Variants in USP12 observed in about 807,000 individuals in gnomAD.
USP12 encodes the protein ubiquitin specific peptidase 12.
Under a neutral mutation model 45.5 loss-of-function variants are expected in USP12, and 19 were observed. The ratio of observed to expected loss-of-function variants is 0.42; its 90% CI spans 0.29 to 0.61. USP12 has a LOEUF of 0.61. Ranked by LOEUF, USP12 falls within the 20% of genes least tolerant of loss-of-function variation. The pLI, the probability that USP12 is intolerant of heterozygous loss-of-function variation, is 0.22. For missense variants in USP12, 242 were observed against 447.7 expected (o/e 0.54, Z 4.15); for synonymous variants, 149 against 148.8 (o/e 1.00, Z -0.01).
In USP12 at chr13:27,108,970, G is replaced by A. The variant is rs986690830; in HGVS notation, c.130-3026C>T. Among the ~76,000 whole-genome samples, 11 of 152,246 alleles carry A rather than the reference G, an allele frequency of 7.2e-5. No individual in the cohort carries two copies. The East Asian group carries it at 1.4e-3, about 19-fold the overall frequency. On this transcript the variant is annotated intron_variant, in intron 2 of 8. Transcript: ENST00000282344. ...AAAAGATACATATGTGTGTGTGTGT[G>A]TATATACACATAATGACATTTTTTT...
chr13:27,130,811 ATCAAATGAGG>A (rs1196504465), intron 1 of USP12, among the ~76,000 whole-genome samples: 3 of 152,208 alleles, frequency 2.0e-5, no homozygotes, highest in Non-Finnish European at 4.4e-5. Context: ...TTCTGCAGGG[ATCAAATGAGG>A]TCAAATCACA....
At chr13:27,161,324 C>T (rs977835140) in intron 1 of USP12, among the ~76,000 whole-genome samples, 4 of 152,182 alleles carry the variant, frequency 2.6e-5, no homozygotes, top group African/African-American at 9.7e-5. Context: ...TGTTCATCTA[C>T]AGAATCTCAA....
chr13:27,109,644 G>A (rs941709176), intron 2 of USP12, among the ~76,000 whole-genome samples: 6 of 152,010 alleles, frequency 3.9e-5, no homozygotes, highest in East Asian at 3.9e-4. Flanking sequence ...TTGGCTGGGC[G>A]CAGTGGCTCA....
chr13:27,118,071 C>T (rs1875824566), intron 1 of USP12, among the ~76,000 whole-genome samples: 1 of 150,744 alleles, frequency 6.6e-6, no homozygotes. Flanking sequence ...CAGTGAAGAG[C>T]TGCAGAGACA....
In USP12 at chr13:27,171,686, G is replaced by T. The variant is rs370545275; in HGVS notation, c.-47C>A. 194 of 1,178,752 alleles carry T rather than the reference G, an allele frequency of 1.6e-4. No individual in the cohort carries two copies. The highest frequency in any genetic ancestry group is 2.1e-4 in the Non-Finnish European group (194 of 919,962). 73.0% of individuals were successfully genotyped at this position (1,178,752 alleles called of 1,614,324 possible). The stretch of plus-strand genomic sequence containing the variant: ...CCAATCACAGCGGCGGCGGCGGGCG[G>T]GGGAGGAGGGGAGCCGGGCCGCCCG... On this transcript the variant is annotated 5_prime_UTR_variant, in exon 1 of 9. Coordinates refer to ENST00000282344, the MANE Select transcript of USP12 (RefSeq NM_182488.4).
chr13:27,097,210 T>TAATC (rs1874628241), intron 3 of USP12, among the ~76,000 whole-genome samples: 1 of 149,920 alleles, frequency 6.7e-6, no homozygotes, highest in South Asian at 2.1e-4. Flanking sequence ...CTCATGCCTA[T>TAATC]AATCCAGCAC....
chr13:27,116,505 T>C lies in USP12; in HGVS notation c.129+11A>G, dbSNP rs1405875409. 2 of 1,612,560 alleles carry C rather than the reference T, an allele frequency of 1.2e-6. No individual in the cohort carries two copies. Among genetic ancestry groups the C allele is most frequent in the South Asian group, 2.2e-5 (2 of 90,764 alleles). ...GAACATGATTCTAAAAGCGTATCAA[T>C]GGATACTTACATTGACTAATCCAAA... On this transcript the variant is annotated intron_variant, in intron 2 of 8. Coordinates refer to ENST00000282344, the MANE Select transcript of USP12 (RefSeq NM_182488.4).
chr13:27,134,015 A>G (rs1876663905), intron 1 of USP12, among the ~76,000 whole-genome samples: 1 of 152,182 alleles, frequency 6.6e-6, no homozygotes, highest in Non-Finnish European at 1.5e-5. Context: ...TAGGTGGTAC[A>G]TGCCTGTAGT....
At chr13:27,100,606 G>T (rs919790453) in intron 3 of USP12, among the ~76,000 whole-genome samples, 2 of 152,156 alleles carry the variant, frequency 1.3e-5, no homozygotes, top group African/African-American at 4.8e-5. Flanking sequence ...TTCCTGACGT[G>T]CATGCACCTC....
intron 1 of USP12, among the ~76,000 whole-genome samples, chr13:27,161,777 G>C (rs1878116935): frequency 6.6e-6 from 1 of 152,002 alleles, no homozygotes; most frequent in African/African-American, 2.4e-5. Context: ...AGATACTTGG[G>C]AGGCTCAGGC....
chr13:27,141,910 G>A (rs537139963), intron 1 of USP12, among the ~76,000 whole-genome samples: 2 of 152,108 alleles, frequency 1.3e-5, no homozygotes, highest in South Asian at 2.1e-4. Flanking sequence ...GAGGCTGGGC[G>A]TGGTAGCTCA....
At chr13:27,099,959 T>C (rs1464220660) in intron 3 of USP12, among the ~76,000 whole-genome samples, 3 of 152,294 alleles carry the variant, frequency 2.0e-5, no homozygotes, top group East Asian at 1.9e-4. Context: ...GTGTGGGTTT[T>C]TGTCCACAAG....
chr13:27,074,816 T>A (rs191827866), intron 7 of USP12, among the ~76,000 whole-genome samples: 48 of 152,342 alleles, frequency 3.2e-4, no homozygotes, highest in African/African-American at 1.0e-3. Context: ...AATGCCATTT[T>A]AAAATGCTTT....
chr13:27,087,187 C>CA (rs1394351884), intron 6 of USP12, among the ~76,000 whole-genome samples: 1 of 149,886 alleles, frequency 6.7e-6, no homozygotes, highest in East Asian at 2.0e-4. Context: ...GGCAGGAAGG[C>CA]AGAGAGAATA....
At chr13:27,113,622 T>C (rs1270257670) in intron 2 of USP12, among the ~76,000 whole-genome samples, 1 of 152,252 alleles carries the variant, frequency 6.6e-6, no homozygotes, top group Non-Finnish European at 1.5e-5. Flanking sequence ...CCATGCTTCC[T>C]TGTAGGAACT....
chr13:27,110,655 C>T (rs762011221), intron 2 of USP12, among the ~76,000 whole-genome samples: 1 of 152,258 alleles, frequency 6.6e-6, no homozygotes, highest in African/African-American at 2.4e-5. Flanking sequence ...GTACTGATAT[C>T]AATGATCATA....
At chr13:27,102,659 A>G (rs1455256928) in intron 3 of USP12, among the ~76,000 whole-genome samples, 2 of 152,190 alleles carry the variant, frequency 1.3e-5, no homozygotes, top group Non-Finnish European at 2.9e-5. Flanking sequence ...AACATTACCT[A>G]ATCAGGGACA....
At chr13:27,103,461 G>C (rs1874964662) in intron 3 of USP12, among the ~76,000 whole-genome samples, 1 of 151,786 alleles carries the variant, frequency 6.6e-6, no homozygotes, top group Middle Eastern at 3.2e-3. Context: ...TTAGAAAAAT[G>C]AAGCAAAACT....
intron 1 of USP12, among the ~76,000 whole-genome samples, chr13:27,124,085 T>C (rs137906765): frequency 2.8e-4 from 43 of 152,346 alleles, no homozygotes; most frequent in African/African-American, 9.6e-4. Context: ...GGGAGATGGC[T>C]ATCCTGCAAT....
Sources: gnomAD v4.1 joint callset for allele counts (sites outside exome capture counted in the v4.1 genomes callset) on GRCh38, gnomAD v4.1.1 for gene constraint, MANE v1.5 for transcripts, NCBI Gene and HGNC (gene_info 2026-07-23, HGNC 2026-07-21) for gene names.